KLHL8: variants seen among roughly 807,000 people sequenced by gnomAD.
KLHL8 encodes the protein kelch-like protein 8.
KLHL8 carries 38 observed loss-of-function variants against 63.5 expected under a neutral mutation model. The observed-to-expected ratio is 0.60, with a 90% CI of 0.46 to 0.78. KLHL8 has a LOEUF of 0.78. KLHL8 is among the 30% of genes least tolerant of loss of function. The pLI is 0.00. For missense variants in KLHL8, 566 were observed against 752.4 expected (o/e 0.75, Z 2.90); for synonymous variants, 224 against 254.3 (o/e 0.88, Z 1.13).
At chr4:87,187,733 T>G (rs1392001781) in intron 2 of KLHL8, among the ~76,000 whole-genome samples, 1 of 152,188 alleles carries the variant, frequency 6.6e-6, no homozygotes, top group African/African-American at 2.4e-5. Flanking sequence ...AAATTTTTAC[T>G]TACATCTGGA....
intron 8 of KLHL8, among the ~76,000 whole-genome samples, chr4:87,169,691 A>G (rs1730562558): frequency 6.6e-6 from 1 of 152,068 alleles, no homozygotes; most frequent in Admixed American, 6.6e-5. Flanking sequence ...GCAAGAACCC[A>G]TCTCTACAAA....
intron 1 of KLHL8, among the ~76,000 whole-genome samples, chr4:87,197,058 T>C (rs956186942): frequency 1.3e-5 from 2 of 152,220 alleles, no homozygotes; most frequent in African/African-American, 4.8e-5. Flanking sequence ...TTCCAGCTTT[T>C]GACAGAAATC....
Position 87,218,735 on chromosome 4 carries a change from CT to C in KLHL8, c.-152+1682del, listed in dbSNP as rs936054288. 2.0e-5 allele frequency among the ~76,000 whole-genome samples: 3 copies of C among 151,490 alleles called. No individual in the cohort carries two copies. The East Asian group carries it at 5.8e-4, about 29-fold the overall frequency. ...TGTAGTTGAATAGAGTATCCTTAGA[CT>C]TTTTTTTTCTTTTTTTGAGATGGAG... On this transcript the variant is annotated intron_variant, in intron 1 of 9. Coordinates refer to ENST00000273963, the MANE Select transcript of KLHL8 (RefSeq NM_020803.5).
chr4:87,202,517 C>G (rs577535498), intron 1 of KLHL8, among the ~76,000 whole-genome samples: 3 of 152,128 alleles, frequency 2.0e-5, no homozygotes, highest in Non-Finnish European at 4.4e-5. Context: ...CATTGCAAAC[C>G]CCACTGGCAT....
At chr4:87,209,114 T>C (rs914509104) in intron 1 of KLHL8, among the ~76,000 whole-genome samples, 5 of 152,188 alleles carry the variant, frequency 3.3e-5, no homozygotes, top group Non-Finnish European at 5.9e-5. Context: ...TTAGGACTTA[T>C]AAAGTCCGTA....
In KLHL8 at chr4:87,164,197, A is replaced by C; in HGVS notation, c.1538-118T>G. 4.3e-6 allele frequency: 4 copies of C among 919,590 alleles called. No individual in the cohort carries two copies. The South Asian group carries it at 5.2e-5, about 12-fold the overall frequency. 57.0% of individuals were successfully genotyped at this position (919,590 alleles called of 1,614,324 possible). A position where few individuals can be genotyped will look rare whatever the true frequency, so the allele number is the denominator to read the frequency against. On this transcript the variant is annotated intron_variant, in intron 8 of 9. Coordinates refer to ENST00000273963, the MANE Select transcript of KLHL8 (RefSeq NM_020803.5). Reference sequence around the variant, plus strand: ...AAATCATTTTAGAATGGTTTAGAGAAAATTTTTTTAAAAAATTCATCCCAA... The same window carrying C: ...AAATCATTTTAGAATGGTTTAGAGACAATTTTTTTAAAAAATTCATCCCAA...
At chr4:87,211,099 C>G (rs1247143307) in intron 1 of KLHL8, among the ~76,000 whole-genome samples, 2 of 152,140 alleles carry the variant, frequency 1.3e-5, no homozygotes, top group Non-Finnish European at 2.9e-5. Flanking sequence ...ACACATATAA[C>G]ACAATAAACA....
intron 1 of KLHL8, among the ~76,000 whole-genome samples, chr4:87,199,665 C>A (rs72667795): frequency 0.082 from 11,857 of 144,410 alleles, 624 homozygotes; most frequent in Non-Finnish European, 0.12. Flanking sequence ...AAAAAAAAAA[C>A]AAAAAAAAAA....
intron 4 of KLHL8, among the ~76,000 whole-genome samples, chr4:87,180,109 T>C (rs576672872): frequency 6.6e-6 from 1 of 152,354 alleles, no homozygotes; most frequent in East Asian, 1.9e-4. Flanking sequence ...TCCTCCCCTC[T>C]TTCTCTCTCT....
intron 1 of KLHL8, among the ~76,000 whole-genome samples, chr4:87,236,533 T>G (rs1268282718): frequency 6.6e-6 from 1 of 151,712 alleles, no homozygotes; most frequent in Non-Finnish European, 1.5e-5. Context: ...AATAGACACC[T>G]TAAGGGAGGC....
At chr4:87,187,621 T>C (rs2109998793) in intron 2 of KLHL8, among the ~76,000 whole-genome samples, 1 of 152,164 alleles carries the variant, frequency 6.6e-6, no homozygotes, top group African/African-American at 2.4e-5. Context: ...AGTCTTTTTA[T>C]TTATTGTTTT....
In KLHL8 at chr4:87,161,041, C is replaced by CTTTTTTTTT. The variant is rs71660119; in HGVS notation, c.*2469_*2477dup. 1.2e-4 allele frequency: 14 copies of CTTTTTTTTT among 115,044 alleles called. No individual in the cohort carries two copies. The highest frequency in any genetic ancestry group is 2.8e-4 in the South Asian group (1 of 3,554). 7.1% of individuals were successfully genotyped at this position (115,044 alleles called of 1,614,324 possible). On this transcript the variant is annotated 3_prime_UTR_variant, in exon 10 of 10. Transcript: ENST00000273963. ...GCACATATTGATTCTGCTTTTTTAT[C>CTTTTTTTTT]TTTTTTTTTTTTTTTTTTTTGAGAT...
At chr4:87,170,031 C>T in intron 8 of KLHL8, 48 bp downstream of exon 8, 1 of 1,443,904 alleles carries the variant, frequency 6.9e-7, no homozygotes, top group Non-Finnish European at 9.6e-7. Flanking sequence ...TTATATGACA[C>T]TTGTCATTGT....
At chr4:87,187,679 C>G (rs1156860728) in intron 2 of KLHL8, among the ~76,000 whole-genome samples, 1 of 151,962 alleles carries the variant, frequency 6.6e-6, no homozygotes, top group Non-Finnish European at 1.5e-5. Context: ...ATATTTACTT[C>G]ACGTATTTTT....
intron 1 of KLHL8, among the ~76,000 whole-genome samples, chr4:87,205,460 G>A (rs1732087166): frequency 6.6e-6 from 1 of 152,012 alleles, no homozygotes; most frequent in Non-Finnish European, 1.5e-5. Flanking sequence ...TCAGCATCAC[G>A]ATAGAAAACA....
chr4:87,176,349 T>C (rs1730816019), intron 6 of KLHL8, among the ~76,000 whole-genome samples: 1 of 152,164 alleles, frequency 6.6e-6, no homozygotes. Flanking sequence ...AATTTTCCCA[T>C]CCCCAAGCTG....
At chr4:87,222,562 A>T (rs1292970117), upstream of KLHL8, among the ~76,000 whole-genome samples, 3 of 152,078 alleles carry the variant, frequency 2.0e-5, no homozygotes. Flanking sequence ...AAAACACAAT[A>T]TGTATTTTAT....
chr4:87,194,614 A>G (rs948281308), intron 2 of KLHL8, among the ~76,000 whole-genome samples: 2 of 152,214 alleles, frequency 1.3e-5, no homozygotes, highest in African/African-American at 4.8e-5. Flanking sequence ...TTCACCAAAA[A>G]ATTTTAATAT....
chr4:87,190,850 A>C (rs888481270), intron 2 of KLHL8, among the ~76,000 whole-genome samples: 6 of 152,182 alleles, frequency 3.9e-5, no homozygotes, highest in African/African-American at 1.4e-4. Context: ...AGATGGTGGA[A>C]GGCACAGAGC....
Sources: gnomAD v4.1 joint callset for allele counts (sites outside exome capture counted in the v4.1 genomes callset) on GRCh38, gnomAD v4.1.1 for gene constraint, MANE v1.5 for transcripts, NCBI Gene and HGNC (gene_info 2026-07-23, HGNC 2026-07-21) for gene names.